EPS8: variants seen among roughly 807,000 people sequenced by gnomAD.
The protein encoded by EPS8 is EGFR pathway substrate 8, signaling adaptor, also known as epidermal growth factor receptor kinase substrate 8.
A neutral mutation model predicts 103.8 loss-of-function variants in EPS8; 42 were observed. The observed-to-expected ratio is 0.40, with a 90% CI of 0.32 to 0.52. The LOEUF is 0.52. EPS8 is among the 20% of genes least tolerant of loss of function. The pLI, the probability that EPS8 is intolerant of heterozygous loss-of-function variation, is 0.40. For missense variants in EPS8, 969 were observed against 1,005.1 expected (o/e 0.96, Z 0.49); for synonymous variants, 344 against 344.6 (o/e 1.00, Z 0.02).
intron 1 of EPS8, among the ~76,000 whole-genome samples, chr12:15,763,894 G>T (rs1268158307): frequency 6.6e-6 from 1 of 152,082 alleles, no homozygotes; most frequent in South Asian, 2.1e-4. Flanking sequence ...TACCTCTCAA[G>T]TAGATTTCTT....
rs2135815707 is a variant in EPS8 at position 15,660,727 on chromosome 12, T to A, written c.824A>T (p.His275Leu). ...AAAAAATTCAATGTCATCCAAAATG[T>A]GGTTTAAGATTTGCTGAAATTAGAA... ...RIDRDVQILN[H>L]ILDDIEFFIT... Residue 275 changes from histidine (H) to leucine (L), a missense_variant, in exon 10 of 21, where the codon CAC becomes CTC. His to Leu is a moderately conservative substitution (Grantham distance 99). Coordinates refer to ENST00000281172, the MANE Select transcript of EPS8 (RefSeq NM_004447.6). The A allele has an allele frequency of 1.3e-6, 2 of 1,595,932 alleles. No homozygotes were observed. The highest frequency in any genetic ancestry group is 4.5e-5 in the East Asian group (2 of 44,716).
chr12:15,764,432 T>C lies in EPS8; in HGVS notation c.-22+24729A>G, dbSNP rs1257583131. 1.3e-5 allele frequency among the ~76,000 whole-genome samples: 2 copies of C among 152,084 alleles called. No individual in the cohort carries two copies. Among genetic ancestry groups the C allele is most frequent in the Non-Finnish European group, 2.9e-5 (2 of 68,012 alleles). On this transcript the variant is annotated intron_variant, in intron 1 of 20. Coordinates refer to ENST00000281172, the MANE Select transcript of EPS8 (RefSeq NM_004447.6). This position sits in a 1 kb window ranked among gnomAD's most constrained non-coding sequence, Gnocchi z 4.1. ...CAAGTCCACAAGGTTCCAGGCAAATTAAGAAATATTCCAGGATCAGCAGGA... is the reference window on the plus strand; with the variant it reads ...CAAGTCCACAAGGTTCCAGGCAAATCAAGAAATATTCCAGGATCAGCAGGA...
chr12:15,668,934 C>T (rs751866157), intron 6 of EPS8, among the ~76,000 whole-genome samples: 2 of 152,154 alleles, frequency 1.3e-5, no homozygotes, highest in Non-Finnish European at 2.9e-5. Flanking sequence ...ATCTGTTGCC[C>T]AGGCTGGAGT....
chr12:15,650,594 G>A (rs1413353418), intron 14 of EPS8, among the ~76,000 whole-genome samples: 1 of 152,090 alleles, frequency 6.6e-6, no homozygotes, highest in East Asian at 1.9e-4. Flanking sequence ...GGGCTGACAG[G>A]CTATAGGAGA....
At chr12:15,768,403 A>T (rs1591930725) in intron 1 of EPS8, among the ~76,000 whole-genome samples, 1 of 133,116 alleles carries the variant, frequency 7.5e-6, no homozygotes, top group South Asian at 2.5e-4. Flanking sequence ...ACGCCACTGC[A>T]CTCTAGCCTG....
chr12:15,781,410 G>T lies in EPS8; in HGVS notation c.-22+7751C>A, dbSNP rs556480436. 6.6e-6 allele frequency among the ~76,000 whole-genome samples: 1 copy of T among 152,274 alleles called. No homozygotes were observed. Among genetic ancestry groups the T allele is most frequent in the East Asian group, 1.9e-4 (1 of 5,182 alleles). On this transcript the variant is annotated intron_variant, in intron 1 of 20. Coordinates refer to ENST00000281172, the MANE Select transcript of EPS8 (RefSeq NM_004447.6). This position sits in a 1 kb window ranked among gnomAD's most constrained non-coding sequence, Gnocchi z 4.1. ...GCATGGATTTTGGAGTCAGGTCAGG[G>T]TTCTCATCCCAATTCGGTCCCTTTC...
intron 3 of EPS8, chr12:15,671,650 T>C (rs1476663755): frequency 6.6e-6 from 1 of 152,084 alleles, no homozygotes; most frequent in African/African-American, 2.4e-5. Context: ...AAATATAAAA[T>C]GTATGTCGGC....
intron 1 of EPS8, among the ~76,000 whole-genome samples, chr12:15,708,373 T>G (rs1260248689): frequency 6.6e-6 from 1 of 152,222 alleles, no homozygotes; most frequent in East Asian, 1.9e-4. Context: ...GGCTCAAAAA[T>G]GTTAACATAA....
chr12:15,670,456 G>A (rs976216078), intron 4 of EPS8, among the ~76,000 whole-genome samples: 7 of 151,994 alleles, frequency 4.6e-5, no homozygotes, highest in African/African-American at 1.7e-4. Flanking sequence ...AGCAAATATC[G>A]TAAAAGAGGG....
chr12:15,649,062 G>A (rs1945368206), intron 14 of EPS8, among the ~76,000 whole-genome samples: 1 of 152,058 alleles, frequency 6.6e-6, no homozygotes, highest in Admixed American at 6.5e-5. Context: ...AAAATTCCCT[G>A]GAACTGCTAG....
At chr12:15,753,235 T>C (rs1431257279) in intron 1 of EPS8, among the ~76,000 whole-genome samples, 1 of 152,174 alleles carries the variant, frequency 6.6e-6, no homozygotes, top group African/African-American at 2.4e-5. Flanking sequence ...CTTGTTACTT[T>C]TAAAAAGATT....
intron 1 of EPS8, among the ~76,000 whole-genome samples, chr12:15,692,481 C>T (rs1490337322): frequency 6.6e-6 from 1 of 151,696 alleles, no homozygotes; most frequent in African/African-American, 2.4e-5. Context: ...CATTTTTACC[C>T]CTGATGTTCT....
chr12:15,718,224 C>A lies in EPS8; in HGVS notation c.-21-35252G>T, dbSNP rs555845489. Reference sequence around the variant, plus strand: ...TGTACAGTCTCATTCAGATCCAATACCCCAGAACATTTTCCTAATTCAAAT... The same window carrying A: ...TGTACAGTCTCATTCAGATCCAATAACCCAGAACATTTTCCTAATTCAAAT... On this transcript the variant is annotated intron_variant, in intron 1 of 20. Transcript: ENST00000281172. Among the ~76,000 whole-genome samples, 14 of 152,244 alleles carry A rather than the reference C, an allele frequency of 9.2e-5. No individual in the cohort carries two copies. In the South Asian group the frequency reaches 2.7e-3, roughly 29 times the overall value.
chr12:15,745,386 A>G lies in EPS8; in HGVS notation c.-22+43775T>C, dbSNP rs2136011839. 6.6e-6 allele frequency among the ~76,000 whole-genome samples: 1 copy of G among 152,226 alleles called. No homozygotes were observed. Among genetic ancestry groups the G allele is most frequent in the Non-Finnish European group, 1.5e-5 (1 of 68,014 alleles). ...CCATAAAAAACATCAATAATTTATC[A>G]TTACACTCTTTAATGCCAAGCTGAA... On this transcript the variant is annotated intron_variant, in intron 1 of 20. Transcript: ENST00000281172. The surrounding 1 kb of genome is among the most constrained non-coding windows in gnomAD (Gnocchi z 4.6).
intron 1 of EPS8, among the ~76,000 whole-genome samples, chr12:15,689,900 G>A (rs985890089): frequency 1.3e-5 from 2 of 152,162 alleles, no homozygotes; most frequent in Non-Finnish European, 2.9e-5. Context: ...CAGGAGAAGA[G>A]AAACATTGGT....
Position 15,708,387 on chromosome 12 carries a change from T to C in EPS8, c.-21-25415A>G, listed in dbSNP as rs548369129. Among the ~76,000 whole-genome samples, 383 of 152,316 alleles carry C rather than the reference T, an allele frequency of 2.5e-3. 2 individuals carry two copies. Among genetic ancestry groups the C allele is most frequent in the African/African-American group, 8.9e-3 (370 of 41,566 alleles). On this transcript the variant is annotated intron_variant, in intron 1 of 20. Coordinates refer to ENST00000281172, the MANE Select transcript of EPS8 (RefSeq NM_004447.6). ...AGGCTCAAAAATGTTAACATAATTG[T>C]TATTTGTGGGAAAGAAATATTTCTA...
intron 5 of EPS8, 28 bp from the exon 6 acceptor site, chr12:15,669,564 G>T: frequency 6.4e-7 from 1 of 1,572,548 alleles, no homozygotes; most frequent in Non-Finnish European, 8.6e-7. Context: ...ATTTTATTTT[G>T]TCAAACTTCC....
intron 1 of EPS8, among the ~76,000 whole-genome samples, chr12:15,768,743 G>A (rs963752570): frequency 6.6e-6 from 1 of 152,046 alleles, no homozygotes; most frequent in Non-Finnish European, 1.5e-5. Flanking sequence ...ATAGGTGGAT[G>A]GCTAACATTA....
Position 15,733,359 on chromosome 12 carries a change from G to A in EPS8, c.-21-50387C>T, listed in dbSNP as rs140408712. Among the ~76,000 whole-genome samples, 14 of 152,186 alleles carry A rather than the reference G, an allele frequency of 9.2e-5. No homozygotes were observed. The East Asian group carries it at 2.5e-3, about 27-fold the overall frequency. On this transcript the variant is annotated intron_variant, in intron 1 of 20. Coordinates refer to ENST00000281172, the MANE Select transcript of EPS8 (RefSeq NM_004447.6). This position sits in a 1 kb window ranked among gnomAD's most constrained non-coding sequence, Gnocchi z 4.8. ...ATCTCATGAGAACTCACTCTCTATC[G>A]TGAGAACAGCATGGGGAAAACCATT...
Sources: gnomAD v4.1 joint callset for allele counts (sites outside exome capture counted in the v4.1 genomes callset) on GRCh38, gnomAD v4.1.1 for gene constraint, Gnocchi (gnomAD v3.1) non-coding constraint, MANE v1.5 for transcripts, NCBI Gene and HGNC (gene_info 2026-07-23, HGNC 2026-07-21) for gene names.